The following NECTIN3 variants were observed in gnomAD, a reference collection of about 807,000 sequenced individuals.
NECTIN3 encodes the protein nectin cell adhesion molecule 3.
Under a neutral mutation model 49.4 loss-of-function variants are expected in NECTIN3, and 8 were observed. The ratio of observed to expected loss-of-function variants is 0.16; its 90% CI spans 0.10 to 0.29. The LOEUF is 0.29. NECTIN3 is among the 10% of genes least tolerant of loss of function. NECTIN3 has a pLI of 1.00. For missense variants in NECTIN3, 581 were observed against 654.6 expected (o/e 0.89, Z 1.23); for synonymous variants, 277 against 241.1 (o/e 1.15, Z -1.38).
chr3:111,101,495 C>A (rs1382271569), intron 1 of NECTIN3, among the ~76,000 whole-genome samples: 6 of 152,210 alleles, frequency 3.9e-5, no homozygotes, highest in African/African-American at 1.4e-4. Context: ...GAAACGTAAA[C>A]TTTTAAAAAT....
Position 111,136,448 on chromosome 3 carries a change from A to G in NECTIN3, c.*2233A>G. ...CATATTCTGTATCCTTAATCCAATC[A>G]TTTGGCAAACTAAAAGGTTTCTGTG... On this transcript the variant is annotated 3_prime_UTR_variant, in exon 6 of 6. Transcript: ENST00000485303. 1.0e-6 allele frequency: 1 copy of G among 984,282 alleles called. No individual in the cohort carries two copies. The highest frequency in any genetic ancestry group is 4.7e-5 in the South Asian group (1 of 21,272). 61.0% of individuals were successfully genotyped at this position (984,282 alleles called of 1,614,324 possible). A position where few individuals can be genotyped will look rare whatever the true frequency, so the allele number is the denominator to read the frequency against.
At chr3:111,112,773 C>A (rs562629375) in intron 2 of NECTIN3, among the ~76,000 whole-genome samples, 48 of 152,148 alleles carry the variant, frequency 3.2e-4, no homozygotes, top group African/African-American at 1.1e-3. Flanking sequence ...ATTGACACCT[C>A]ATGTTTTACT....
chr3:111,112,419 A>C, intron 2 of NECTIN3, 48 bp downstream of exon 2: 2 of 1,118,746 alleles, frequency 1.8e-6, no homozygotes, highest in East Asian at 5.4e-5. Flanking sequence ...TGAAGATTAT[A>C]ATAAAAATAT....
At chr3:111,158,184 G>T (rs1477850) in intron 7 of NECTIN3, among the ~76,000 whole-genome samples, 23,314 of 151,990 alleles carry the variant, frequency 0.15, 3,964 homozygotes, top group African/African-American at 0.42. Context: ...CACTTTGAAT[G>T]ATATCTTTAC....
chr3:111,099,105 C>A lies in NECTIN3; in HGVS notation c.161-12925C>A, dbSNP rs184997575. Among the ~76,000 whole-genome samples the A allele has an allele frequency of 1.3e-3, 192 of 152,194 alleles. 3 individuals are homozygous for A. Among genetic ancestry groups the A allele is most frequent in the South Asian group, 8.9e-3 (43 of 4,822 alleles). On this transcript the variant is annotated intron_variant, in intron 1 of 5. Transcript: ENST00000485303. ...TTTTTCCTTTAGTGCCTTTACCCTGCCTGGAAAATCCCACCTCACCTAACA... is the reference window on the plus strand; with the variant it reads ...TTTTTCCTTTAGTGCCTTTACCCTGACTGGAAAATCCCACCTCACCTAACA...
At chr3:111,176,670 C>A (rs1242546373) in intron 7 of NECTIN3, among the ~76,000 whole-genome samples, 1 of 148,732 alleles carries the variant, frequency 6.7e-6, no homozygotes, top group Middle Eastern at 3.2e-3. Context: ...CCTTTATTTT[C>A]TTTTTTTTTT....
chr3:111,077,780 A>G (rs946262133), intron 1 of NECTIN3, among the ~76,000 whole-genome samples: 7 of 152,160 alleles, frequency 4.6e-5, no homozygotes, highest in Admixed American at 1.3e-4. Context: ...TTTGTTCATT[A>G]TTTGTATTCC....
chr3:111,072,541 C>T (rs1210624196), intron 1 of NECTIN3: 4 of 1,535,734 alleles, frequency 2.6e-6, no homozygotes, highest in African/African-American at 1.4e-5. Context: ...GCACGTTTGC[C>T]GCTTTTTTTC....
chr3:111,134,721 T>A lies in NECTIN3; in HGVS notation c.*506T>A. The A allele has an allele frequency of 2.2e-6, 2 of 893,026 alleles. No homozygotes were observed. Among genetic ancestry groups the A allele is most frequent in the South Asian group, 1.0e-4 (2 of 19,342 alleles). The allele number at this position is 893,026 out of a possible 1,614,324, so 55.3% of individuals were successfully genotyped here. ...TTTAATATACAAAAAATATTTAGCC[T>A]GATGGAATGGCTTTCCTTTTCAAAC... On this transcript the variant is annotated 3_prime_UTR_variant, in exon 6 of 6. Coordinates refer to ENST00000485303, the MANE Select transcript of NECTIN3 (RefSeq NM_015480.3).
Position 111,137,121 on chromosome 3 carries a change from A to G in NECTIN3, c.*2906A>G, listed in dbSNP as rs2034606872. The G allele has an allele frequency of 1.1e-5, 11 of 976,256 alleles. No homozygotes were observed. Among genetic ancestry groups the G allele is most frequent in the Non-Finnish European group, 1.3e-5 (11 of 821,870 alleles). 60.5% of individuals were successfully genotyped at this position (976,256 alleles called of 1,614,324 possible). On this transcript the variant is annotated 3_prime_UTR_variant, in exon 6 of 6. Coordinates refer to ENST00000485303, the MANE Select transcript of NECTIN3 (RefSeq NM_015480.3). ...TGTATAAGTACAGAAATTGAGAGAAATGTAGTCATTTTATATGTGAAAACA... is the reference window on the plus strand; with the variant it reads ...TGTATAAGTACAGAAATTGAGAGAAGTGTAGTCATTTTATATGTGAAAACA...
intron 7 of NECTIN3, among the ~76,000 whole-genome samples, chr3:111,171,126 C>T (rs1364841856): frequency 6.6e-6 from 1 of 152,078 alleles, no homozygotes; most frequent in Non-Finnish European, 1.5e-5. Context: ...AAGCACATGC[C>T]GTTATTATCT....
At chr3:111,080,847 A>AT (rs1415849788) in intron 1 of NECTIN3, among the ~76,000 whole-genome samples, 1 of 152,206 alleles carries the variant, frequency 6.6e-6, no homozygotes, top group Non-Finnish European at 1.5e-5. Flanking sequence ...TATATATCAA[A>AT]TGACATTTGT....
Position 111,136,014 on chromosome 3 carries a change from G to A in NECTIN3, c.*1799G>A, listed in dbSNP as rs2034562506. On this transcript the variant is annotated 3_prime_UTR_variant, in exon 6 of 6. Transcript: ENST00000485303. ...CAAATATTACAACTTTTTAGTGCAA[G>A]TTTTTGGAAGAAAACTTTTTGATAA... 2.7e-5 allele frequency: 26 copies of A among 972,416 alleles called. No individual in the cohort carries two copies. The highest frequency in any genetic ancestry group is 2.9e-5 in the Non-Finnish European group (24 of 818,334). 60.2% of individuals were successfully genotyped at this position (972,416 alleles called of 1,614,324 possible).
At chr3:111,082,448 T>G (rs1183645275) in intron 1 of NECTIN3, among the ~76,000 whole-genome samples, 1 of 152,072 alleles carries the variant, frequency 6.6e-6, no homozygotes, top group Admixed American at 6.5e-5. Context: ...CAGAATTTTT[T>G]TTTAGATTGA....
chr3:111,103,361 C>A (rs2033011744), intron 1 of NECTIN3, among the ~76,000 whole-genome samples: 1 of 151,754 alleles, frequency 6.6e-6, no homozygotes, highest in Non-Finnish European at 1.5e-5. Flanking sequence ...AGATTTATAC[C>A]TAAGCATTTT....
chr3:111,193,487 C>T (rs775479770), intron 1 of NECTIN3: 50 of 1,218,290 alleles, frequency 4.1e-5, no homozygotes, highest in Non-Finnish European at 5.1e-5. Context: ...AACAGTCCCA[C>T]TCTAAGGGTA....
chr3:111,187,993 G>A (rs1298493147), upstream of NECTIN3, among the ~76,000 whole-genome samples: 1 of 152,206 alleles, frequency 6.6e-6, no homozygotes, highest in Non-Finnish European at 1.5e-5. Context: ...CCACTGTGGT[G>A]CAAGTATGTT....
intron 1 of NECTIN3, among the ~76,000 whole-genome samples, chr3:111,109,328 T>G (rs530998577): frequency 6.6e-6 from 1 of 152,294 alleles, no homozygotes; most frequent in Non-Finnish European, 1.5e-5. Context: ...TTGTTGTTGT[T>G]GTGGTTTTAC....
intron 7 of NECTIN3, among the ~76,000 whole-genome samples, chr3:111,170,419 G>A (rs2107526209): frequency 6.6e-6 from 1 of 152,224 alleles, no homozygotes; most frequent in African/African-American, 2.4e-5. Context: ...CTGTCAGTGA[G>A]GAAACTGAGG....
Sources: allele counts gnomAD v4.1 joint callset (sites outside exome capture counted in the v4.1 genomes callset), GRCh38; gene constraint gnomAD v4.1.1; transcripts MANE v1.5; gene names NCBI Gene and HGNC (gene_info 2026-07-23, HGNC 2026-07-21).